Variants in ESR1 observed in about 807,000 individuals in gnomAD.
ESR1 encodes the protein estrogen receptor 1, also known as estrogen receptor.
ESR1 carries 12 observed loss-of-function variants against 52.7 expected under a neutral mutation model. That is an observed-to-expected ratio of 0.23 (90% CI 0.15 to 0.37). ESR1 has a LOEUF of 0.37. ESR1 is among the 10% of genes least tolerant of loss of function. The pLI, the probability that ESR1 is intolerant of heterozygous loss-of-function variation, is 1.00. For missense variants in ESR1, 584 were observed against 779.7 expected (o/e 0.75, Z 2.99); for synonymous variants, 305 against 316.8 (o/e 0.96, Z 0.39).
intron 3 of ESR1, among the ~76,000 whole-genome samples, chr6:151,921,946 A>C (rs2031777323): frequency 6.6e-6 from 1 of 152,048 alleles, no homozygotes; most frequent in African/African-American, 2.4e-5. Flanking sequence ...GTTTAATTAG[A>C]TCCCATTTGT....
intron 2 of ESR1, among the ~76,000 whole-genome samples, chr6:151,868,196 C>T (rs1390285627): frequency 3.9e-5 from 6 of 152,168 alleles, no homozygotes; most frequent in African/African-American, 7.2e-5. Context: ...GGCTTGATCT[C>T]GGCTCAATGC....
chr6:151,793,968 A>G (rs1776448386), intron 2 of ESR1, among the ~76,000 whole-genome samples: 1 of 152,238 alleles, frequency 6.6e-6, no homozygotes, highest in Non-Finnish European at 1.5e-5. Flanking sequence ...ATATTAGGAG[A>G]ATAGGATGTC....
intron 2 of ESR1, among the ~76,000 whole-genome samples, chr6:151,783,464 A>G (rs1786740445): frequency 6.6e-6 from 1 of 152,214 alleles, no homozygotes; most frequent in Non-Finnish European, 1.5e-5. Flanking sequence ...ATTGAAATGG[A>G]TTGATTTCAT....
chr6:152,045,099 A>G (rs775397833), intron 5 of ESR1, among the ~76,000 whole-genome samples: 2 of 152,236 alleles, frequency 1.3e-5, no homozygotes, highest in Non-Finnish European at 1.5e-5. Flanking sequence ...CTGTGGGTGC[A>G]TGTTAACTCA....
At chr6:152,024,721 TA>T (rs1035379893) in intron 5 of ESR1, among the ~76,000 whole-genome samples, 40 of 147,928 alleles carry the variant, frequency 2.7e-4, no homozygotes, top group Admixed American at 8.8e-4. Context: ...TTTAATATAT[TA>T]TATAATATAT....
At position 151,937,468 on chromosome 6, in the gene ESR1, C is replaced by T. The variant is rs1402905494; in HGVS notation, c.761-6705C>T. ...GGAAGACTGAAGATAGGCAAGGTGA[C>T]AAATTAGGAACTGTTGCAATGATCT... is the stretch of plus-strand genomic sequence containing the variant. On this transcript the variant is annotated intron_variant, in intron 3 of 7. Transcript: ENST00000206249. Among the ~76,000 whole-genome samples, 3 of 151,990 alleles carry T rather than the reference C, an allele frequency of 2.0e-5. No individual in the cohort carries two copies. In the East Asian group the frequency reaches 5.8e-4, roughly 29 times the overall value.
chr6:151,772,912 A>G (rs1386560809), intron 2 of ESR1, among the ~76,000 whole-genome samples: 1 of 152,182 alleles, frequency 6.6e-6, no homozygotes, highest in Non-Finnish European at 1.5e-5. Context: ...TATGCCTCAA[A>G]TCTACTGCTT....
intron 1 of ESR1, among the ~76,000 whole-genome samples, chr6:151,664,397 T>TA (rs776569730): frequency 9.9e-5 from 15 of 152,238 alleles, no homozygotes; most frequent in Non-Finnish European, 1.9e-4. Context: ...CCCAGTAGCT[T>TA]ATTGAAAAAC....
intron 6 of ESR1, among the ~76,000 whole-genome samples, chr6:152,080,024 AC>A (rs971034159): frequency 3.3e-5 from 5 of 152,228 alleles, no homozygotes; most frequent in Non-Finnish European, 7.3e-5. Flanking sequence ...TCATTGGTGT[AC>A]TGGGAAGTGA....
chr6:151,675,693 C>T (rs1778227046), intron 1 of ESR1, among the ~76,000 whole-genome samples: 1 of 152,158 alleles, frequency 6.6e-6, no homozygotes, highest in East Asian at 1.9e-4. Context: ...TTGCACTTAC[C>T]TTAAAAAATA....
At chr6:152,072,733 A>G (rs1412250754) in intron 6 of ESR1, among the ~76,000 whole-genome samples, 1 of 152,254 alleles carries the variant, frequency 6.6e-6, no homozygotes, top group Non-Finnish European at 1.5e-5. Flanking sequence ...ACAGTTATGC[A>G]TGAATGTCAG....
At chr6:152,105,199 A>G (rs916845389), downstream of ESR1, among the ~76,000 whole-genome samples, 11 of 152,194 alleles carry the variant, frequency 7.2e-5, no homozygotes, top group Non-Finnish European at 5.9e-5. Context: ...ATGAGCCACC[A>G]TAGCAAATGA....
chr6:151,672,048 G>C (rs1292381008), intron 1 of ESR1, among the ~76,000 whole-genome samples: 1 of 152,080 alleles, frequency 6.6e-6, no homozygotes, highest in Non-Finnish European at 1.5e-5. Flanking sequence ...GCCCAGGCTG[G>C]TCTCAGACTC....
intron 4 of ESR1, among the ~76,000 whole-genome samples, chr6:151,984,971 C>T (rs1437277753): frequency 2.6e-5 from 4 of 152,208 alleles, no homozygotes; most frequent in Admixed American, 2.6e-4. Context: ...CACATTCATC[C>T]TTAATTTCAT....
rs144995844 is a variant in ESR1 at position 152,036,944 on chromosome 6, A to T, written c.1236-24047A>T. Among the ~76,000 whole-genome samples the T allele has an allele frequency of 4.7e-4, 72 of 152,320 alleles. No individual in the cohort carries two copies. In the East Asian group the frequency reaches 0.013, roughly 27 times the overall value. On this transcript the variant is annotated intron_variant, in intron 5 of 7. Coordinates refer to ENST00000206249, the MANE Select transcript of ESR1 (RefSeq NM_000125.4). ...CAGAGTGCAGCATTAAGTCCTTGGG[A>T]ATACACTGGGTGGGGAAAGAAAAGA...
At chr6:151,826,088 G>A (rs554377751) in intron 1 of ESR1, among the ~76,000 whole-genome samples, 14 of 152,038 alleles carry the variant, frequency 9.2e-5, no homozygotes, top group Non-Finnish European at 1.8e-4. Context: ...GGGGGGTGGC[G>A]GGGAAGGAAT....
intron 4 of ESR1, among the ~76,000 whole-genome samples, chr6:151,985,064 C>T (rs553624910): frequency 1.6e-3 from 244 of 152,130 alleles, no homozygotes; most frequent in Admixed American, 3.3e-3. Flanking sequence ...GTATGAATGT[C>T]CCCCAACATA....
At chr6:151,960,571 G>T (rs1203922878) in intron 4 of ESR1, among the ~76,000 whole-genome samples, 1 of 152,216 alleles carries the variant, frequency 6.6e-6, no homozygotes, top group Non-Finnish European at 1.5e-5. Context: ...AGACCAATGT[G>T]ACTAGAGCAG....
chr6:152,073,017 G>A (rs1317908468), intron 6 of ESR1, among the ~76,000 whole-genome samples: 1 of 152,222 alleles, frequency 6.6e-6, no homozygotes, highest in African/African-American at 2.4e-5. Context: ...CTTTGAAGCT[G>A]ATCTTTTGTA....
Sources: allele counts gnomAD v4.1 joint callset (sites outside exome capture counted in the v4.1 genomes callset), GRCh38; gene constraint gnomAD v4.1.1; transcripts MANE v1.5; gene names NCBI Gene and HGNC (gene_info 2026-07-23, HGNC 2026-07-21).